Variants in ZBBX observed in about 807,000 individuals in gnomAD.
The protein encoded by ZBBX is zinc finger B-box domain containing, also known as zinc finger B-box domain-containing protein 1.
ZBBX carries 101 observed loss-of-function variants against 108.5 expected under a neutral mutation model. That is an observed-to-expected ratio of 0.93 (90% confidence interval 0.79 to 1.10). The LOEUF is 1.10. ZBBX is among the 50% of genes least tolerant of loss of function. The pLI is 0.00. For synonymous variants in ZBBX, 356 were observed against 323.4 expected, an observed-to-expected ratio of 1.10 and a Z score of -1.08; for missense variants, 1,009 against 941.4, an observed-to-expected ratio of 1.07 and a Z score of -0.94.
At chr3:167,218,147 C>T in the ZBBX span, among the ~76,000 whole-genome samples, 1 of 152,050 alleles carries the variant, frequency 6.6e-6, no homozygotes, top group African/African-American at 2.4e-5. Flanking sequence ...GAAAATATAA[C>T]TATTGAGTGC....
At chr3:167,381,063 A>C (rs1206693350), upstream of ZBBX, among the ~76,000 whole-genome samples, 1 of 152,106 alleles carries the variant, frequency 6.6e-6, no homozygotes, top group Non-Finnish European at 1.5e-5. Context: ...TCTATGCTTA[A>C]CCACATTGCA....
the ZBBX span, among the ~76,000 whole-genome samples, chr3:167,222,106 A>T: frequency 1.3e-5 from 2 of 151,994 alleles, no homozygotes; most frequent in Non-Finnish European, 2.9e-5. Flanking sequence ...CTGCACTTCT[A>T]TGTTAATTGA....
At chr3:167,259,561 C>T (rs1724102340) in intron 20 of ZBBX, among the ~76,000 whole-genome samples, 1 of 151,960 alleles carries the variant, frequency 6.6e-6, no homozygotes. Flanking sequence ...TGAGGTGTGA[C>T]CTTAGAATGT....
rs138472546 is a variant in ZBBX at position 167,275,635 on chromosome 3, C to T, written c.2254+6603G>A. 6.0e-3 allele frequency among the ~76,000 whole-genome samples: 914 copies of T among 152,324 alleles called. 10 individuals carry two copies. Among genetic ancestry groups the T allele is most frequent in the African/African-American group, 0.021 (885 of 41,574 alleles). ...CATGGCTCGGAGGGTCCTACACCCA[C>T]AGAATCTCGCTGATTGCTAGCACAG... On this transcript the variant is annotated intron_variant, in intron 20 of 21. Coordinates refer to ENST00000675490, the MANE Select transcript of ZBBX (RefSeq NM_001199201.2).
the ZBBX span, among the ~76,000 whole-genome samples, chr3:167,227,310 TTAGTAAGTC>T: frequency 1.3e-5 from 2 of 151,700 alleles, no homozygotes; most frequent in Non-Finnish European, 3.0e-5. Context: ...AGATACCCCA[TTAGTAAGTC>T]TGGGTGTAAA....
chr3:167,359,138 A>G (rs1744101901), intron 8 of ZBBX, among the ~76,000 whole-genome samples: 1 of 152,138 alleles, frequency 6.6e-6, no homozygotes, highest in South Asian at 2.1e-4. Flanking sequence ...ATACAAATGA[A>G]CACATTACCA....
At chr3:167,281,161 A>G (rs1728746657) in intron 20 of ZBBX, among the ~76,000 whole-genome samples, 1 of 152,148 alleles carries the variant, frequency 6.6e-6, no homozygotes, top group African/African-American at 2.4e-5. Context: ...CTAGATGATG[A>G]GTTAGTGGGT....
chr3:167,350,424 A>G lies in ZBBX; in HGVS notation c.524T>C (p.Leu175Ser). The G allele has an allele frequency of 1.9e-6, 3 of 1,590,170 alleles. No individual in the cohort carries two copies. Among genetic ancestry groups the G allele is most frequent in the Non-Finnish European group, 2.6e-6 (3 of 1,166,008 alleles). The stretch of plus-strand genomic sequence containing the variant: ...AATCATTTTAGAAAGCCATACCTGC[A>G]AAAGAGTTGTTCTGTGGAGCTTTAG... Reference protein sequence around the residue: ...GALKLHRTTLLQAKSQILFNV... With the variant: ...GALKLHRTTLSQAKSQILFNV... Residue 175 changes from leucine (L) to serine (S), a missense_variant, in exon 9 of 22, where the codon TTG becomes TCG. Coordinates refer to ENST00000675490, the MANE Select transcript of ZBBX (RefSeq NM_001199201.2).
chr3:167,391,960 C>A (rs1215220154), intron 1 of ZBBX, among the ~76,000 whole-genome samples: 1 of 151,764 alleles, frequency 6.6e-6, no homozygotes, highest in East Asian at 1.9e-4. Context: ...AATACTCTCA[C>A]CTACATGAAG....
At chr3:167,215,239 A>C in the ZBBX span, among the ~76,000 whole-genome samples, 1 of 152,010 alleles carries the variant, frequency 6.6e-6, no homozygotes, top group Non-Finnish European at 1.5e-5. Flanking sequence ...TAGCTAGATT[A>C]ATTAAAAATA....
rs1576982040 is a variant in ZBBX at position 167,317,478 on chromosome 3, A to G, written c.1093+10T>C. 2 of 1,582,142 alleles carry G rather than the reference A, an allele frequency of 1.3e-6. No individual in the cohort carries two copies. Among genetic ancestry groups the G allele is most frequent in the African/African-American group, 2.7e-5 (2 of 73,868 alleles). The stretch of plus-strand genomic sequence containing the variant: ...ACATTTTAAAAATATCTAATCAAGT[A>G]TGAACTAACCATCACTATCTTCATC... On this transcript the variant is annotated intron_variant, in intron 13 of 21. Transcript: ENST00000675490.
intron 8 of ZBBX, among the ~76,000 whole-genome samples, chr3:167,358,469 T>C (rs1375596301): frequency 2.6e-5 from 4 of 152,162 alleles, no homozygotes; most frequent in Non-Finnish European, 4.4e-5. Context: ...AATGTTAATA[T>C]ACTTAATGCT....
chr3:167,335,597 T>C (rs953497505), intron 9 of ZBBX, among the ~76,000 whole-genome samples: 1 of 151,434 alleles, frequency 6.6e-6, no homozygotes, highest in Non-Finnish European at 1.5e-5. Flanking sequence ...TATTTTGTAC[T>C]CTGCCATGAA....
At position 167,344,386 on chromosome 3, in the gene ZBBX, T is replaced by C. The variant is rs943033539; in HGVS notation, c.528+6034A>G. Among the ~76,000 whole-genome samples the C allele has an allele frequency of 7.2e-5, 11 of 151,890 alleles. No individual in the cohort carries two copies. In the Admixed American group the frequency reaches 7.2e-4, roughly 10 times the overall value. ...TATATGAATTATATCGCAATAATGC[T>C]GTTCTTAAAAACTTTTTGTCAATGA... On this transcript the variant is annotated intron_variant, in intron 9 of 21. Coordinates refer to ENST00000675490, the MANE Select transcript of ZBBX (RefSeq NM_001199201.2).
chr3:167,225,720 CA>C, the ZBBX span, among the ~76,000 whole-genome samples: 1 of 151,776 alleles, frequency 6.6e-6, no homozygotes, highest in South Asian at 2.1e-4. Context: ...GGGTGCTCTG[CA>C]AGTCTTAAAC....
chr3:167,184,663 ACACCCAGTGTCC>A, the ZBBX span, among the ~76,000 whole-genome samples: 1 of 152,272 alleles, frequency 6.6e-6, no homozygotes, highest in South Asian at 2.1e-4. Flanking sequence ...CTACCCAGAG[ACACCCAGTGTCC>A]TAGCCTGGGA....
At chr3:167,360,832 AT>A in intron 6 of ZBBX, 109 bp from the exon 7 acceptor site, 1 of 495,850 alleles carries the variant, frequency 2.0e-6, no homozygotes, top group Non-Finnish European at 3.3e-6. Context: ...TCGAACAAAA[AT>A]TTATTTTTAA....
At chr3:167,381,033 G>A (rs1188513082), upstream of ZBBX, among the ~76,000 whole-genome samples, 1 of 151,628 alleles carries the variant, frequency 6.6e-6, no homozygotes, top group African/African-American at 2.4e-5. Context: ...ATGTGTGGTT[G>A]GTACTGCACT....
chr3:167,344,777 T>G (rs964482677), intron 9 of ZBBX, among the ~76,000 whole-genome samples: 10 of 151,930 alleles, frequency 6.6e-5, no homozygotes, highest in African/African-American at 2.4e-4. Context: ...AATGTTTCAG[T>G]TACAAAGCCC....
Sources: gnomAD v4.1 joint callset for allele counts (sites outside exome capture counted in the v4.1 genomes callset) on GRCh38, gnomAD v4.1.1 for gene constraint, MANE v1.5 for transcripts, NCBI Gene and HGNC (gene_info 2026-07-23, HGNC 2026-07-21) for gene names.